The following MEI1 variants were observed in gnomAD, a reference collection of about 807,000 sequenced individuals.
MEI1 encodes meiotic double-stranded break formation protein 1.
A neutral mutation model predicts 146.2 loss-of-function variants in MEI1; 103 were observed. The observed-to-expected ratio is 0.70, with a 90% CI of 0.60 to 0.83. The LOEUF (loss-of-function observed/expected upper bound fraction) is 0.83, where lower values mean the gene tolerates loss of function less well. Among genes scored for constraint, MEI1 ranks in the 40% least tolerant of loss-of-function variants. The probability of loss-of-function intolerance (pLI) is 0.00; values close to 1 mark genes in which losing one functional copy is unlikely to be tolerated. For synonymous variants in MEI1, 652 were observed against 628.2 expected, an observed-to-expected ratio of 1.04 and a Z score of -0.57; for missense variants, 1,529 against 1,533.0, an observed-to-expected ratio of 1.00 and a Z score of 0.04.
At chr22:41,763,426 G>C (rs938228305) in intron 19 of MEI1, 105 bp downstream of exon 19, 86 of 1,316,954 alleles carry the variant, frequency 6.5e-5, no homozygotes, top group Admixed American at 2.0e-5. Context: ...GGGTGGTAGA[G>C]AGAGACAAAG....
At chr22:41,738,012 A>G (rs903078389) in intron 11 of MEI1, among the ~76,000 whole-genome samples, 2 of 152,190 alleles carry the variant, frequency 1.3e-5, no homozygotes, top group Non-Finnish European at 2.9e-5. Flanking sequence ...AATGTATTCA[A>G]ATAATACAAA....
At chr22:41,723,506 C>T (rs1025732835) in intron 6 of MEI1, among the ~76,000 whole-genome samples, 1 of 152,170 alleles carries the variant, frequency 6.6e-6, no homozygotes, top group Admixed American at 6.6e-5. Context: ...TGAGCCACCA[C>T]GCCTGGTCTT....
In MEI1 at chr22:41,711,173, C is replaced by G. The variant is rs142489715; in HGVS notation, c.350-2829C>G. On this transcript the variant is annotated intron_variant, in intron 3 of 30. Transcript: ENST00000401548. ...CCAGGCCTCATTGTCACCAGTATTT[C>G]TTTTTTTTTCTTTTTTTTTGAGACA... Among the ~76,000 whole-genome samples the G allele has an allele frequency of 4.4e-4, 67 of 151,406 alleles. No homozygotes were observed. The East Asian group carries it at 6.4e-3, about 14-fold the overall frequency.
intron 6 of MEI1, among the ~76,000 whole-genome samples, chr22:41,721,175 G>C (rs1397783598): frequency 6.8e-6 from 1 of 146,796 alleles, no homozygotes; most frequent in African/African-American, 2.5e-5. Context: ...GGCCTCCCCA[G>C]GATATGTCCG....
At chr22:41,766,213 G>C (rs917475850) in intron 19 of MEI1, among the ~76,000 whole-genome samples, 1 of 143,632 alleles carries the variant, frequency 7.0e-6, no homozygotes, top group Non-Finnish European at 1.5e-5. Context: ...TTGCTCTGTC[G>C]CCCAAGCTGG....
intron 17 of MEI1, among the ~76,000 whole-genome samples, chr22:41,757,368 T>C (rs2074165975): frequency 6.6e-6 from 1 of 151,830 alleles, no homozygotes; most frequent in African/African-American, 2.4e-5. Flanking sequence ...CTTGCTTTCT[T>C]TTTTCTGAGA....
chr22:41,728,143 C>A (rs1205254563), intron 7 of MEI1, among the ~76,000 whole-genome samples: 2 of 152,114 alleles, frequency 1.3e-5, no homozygotes, highest in Non-Finnish European at 2.9e-5. Context: ...TTTCCATCAG[C>A]GTTCAGTTGA....
intron 1 of MEI1, among the ~76,000 whole-genome samples, chr22:41,702,711 T>C (rs1175743468): frequency 6.6e-6 from 1 of 151,870 alleles, no homozygotes; most frequent in Non-Finnish European, 1.5e-5. Context: ...TCCCAAAATG[T>C]TGGGATTACA....
chr22:41,707,670 C>CATGAATGGGAAGACTTAT (rs1375407861), intron 3 of MEI1, among the ~76,000 whole-genome samples: 3 of 152,122 alleles, frequency 2.0e-5, no homozygotes, highest in African/African-American at 7.2e-5. Flanking sequence ...GGGATACTTA[C>CATGAATGGGAAGACTTAT]ATGAATGGGA....
In MEI1 at chr22:41,729,798, CCTT is replaced by C. The variant is rs758416363; in HGVS notation, c.979+22_979+24del. The C allele has an allele frequency of 4.1e-5, 62 of 1,509,744 alleles. No homozygotes were observed. The highest frequency in any genetic ancestry group is 5.5e-5 in the Non-Finnish European group (61 of 1,103,936). 93.5% of individuals were successfully genotyped at this position (1,509,744 alleles called of 1,614,324 possible). A position where few individuals can be genotyped will look rare whatever the true frequency, so the allele number is the denominator to read the frequency against. On this transcript the variant is annotated intron_variant, in intron 8 of 30. Transcript: ENST00000401548. Reference sequence around the variant, plus strand: ...ATCCCAGGTAGGGGAACACTTCTAACCTTCTCCTCCCTATACTAGAAGGATGGG... The same window carrying C: ...ATCCCAGGTAGGGGAACACTTCTAACCTCCTCCCTATACTAGAAGGATGGG...
rs2071955046 is a variant in MEI1 at position 41,732,507 on chromosome 22, T to C, written c.1235T>C (p.Met412Thr). The part of the protein sequence containing the change: ...EEIKLFTSSA[M>T]CRDAGRALQE... ...ATCAAGCTGTTCACAAGCTCAGCCA[T>C]GTGCAGAGATGCTGGCCGTGCCCTC... Residue 412 changes from methionine to threonine, a missense_variant, in exon 11 of 31, where the codon ATG becomes ACG. Physicochemically the swap from Met to Thr is moderately conservative, Grantham distance 81 (BLOSUM62 -1). Coordinates refer to ENST00000401548, the MANE Select transcript of MEI1 (RefSeq NM_152513.4). 6.8e-6 allele frequency: 11 copies of C among 1,613,786 alleles called. No homozygotes were observed. The highest frequency in any genetic ancestry group is 1.3e-5 in the African/African-American group (1 of 74,912).
intron 26 of MEI1, among the ~76,000 whole-genome samples, chr22:41,791,316 A>G (rs1413220339): frequency 1.3e-5 from 2 of 149,558 alleles, no homozygotes; most frequent in Non-Finnish European, 2.9e-5. Flanking sequence ...GCACAACCCT[A>G]TCTCTATAAA....
At chr22:41,713,536 GT>G (rs1212632340) in intron 3 of MEI1, among the ~76,000 whole-genome samples, 2 of 150,998 alleles carry the variant, frequency 1.3e-5, no homozygotes, top group African/African-American at 4.9e-5. Flanking sequence ...ACACATAGTT[GT>G]TTTTTTGTTT....
chr22:41,703,571 A>G, intron 2 of MEI1, 117 bp downstream of exon 2: 1 of 923,650 alleles, frequency 1.1e-6, no homozygotes, highest in Non-Finnish European at 1.5e-6. Context: ...GTAATACTTT[A>G]TCAGCAAATT....
chr22:41,795,870 TGAA>T lies in MEI1; in HGVS notation c.3779+25_3779+27del, dbSNP rs1381578284. On this transcript the variant is annotated intron_variant, in intron 30 of 30. Transcript: ENST00000401548. The surrounding 1 kb of genome is among the most constrained non-coding windows in gnomAD (Gnocchi z 4.2). The stretch of plus-strand genomic sequence containing the variant: ...GCTGTATCCTTTCTTGCATCTATGA[TGAA>T]GGAGATGCCAAATCACTGGGTGTTT... 2 of 1,613,032 alleles carry T rather than the reference TGAA, an allele frequency of 1.2e-6. No homozygotes were observed. Among genetic ancestry groups the T allele is most frequent in the East Asian group, 2.2e-5 (1 of 44,794 alleles).
chr22:41,703,951 A>C (rs1195299544), intron 2 of MEI1, among the ~76,000 whole-genome samples: 1 of 152,068 alleles, frequency 6.6e-6, no homozygotes, highest in South Asian at 2.1e-4. Context: ...GTGCCACCAC[A>C]CTCCAGCCTG....
At chr22:41,772,302 G>A in intron 20 of MEI1, among the ~76,000 whole-genome samples, 1 of 151,970 alleles carries the variant, frequency 6.6e-6, no homozygotes, top group Non-Finnish European at 1.5e-5. Context: ...GCTCACTGCA[G>A]CGTCAATCTT....
chr22:41,705,508 A>G lies in MEI1; in HGVS notation c.303A>G (p.Leu101=), dbSNP rs777693156. ...CTTACCTCCCTCTGCTCCAAGGACT[A>G]TTATGCAGCATGGAAGATGGGAGTG... ...CIHFISVLFG[L]LCSMEDGSVT... Residue 101 remains leucine, a synonymous_variant, in exon 3 of 31, where the codon CTA becomes CTG. Transcript: ENST00000401548. The G allele has an allele frequency of 9.9e-6, 16 of 1,612,772 alleles. No homozygotes were observed. The highest frequency in any genetic ancestry group is 4.5e-5 in the East Asian group (2 of 44,854).
chr22:41,793,871 G>GCCTTGCTTGACTACCTGGATGCCCGGAGC lies in MEI1; in HGVS notation c.3391_3419dup (p.Asp1141CysfsTer43). On this transcript the variant is annotated frameshift_variant, in exon 27 of 31. Coordinates refer to ENST00000401548, the MANE Select transcript of MEI1 (RefSeq NM_152513.4). LOFTEE classifies it high-confidence loss of function. ...CCAGGCCTGTGTTGGCTGCCTGGAG[G>GCCTTGCTTGACTACCTGGATGCCCGGAGC]CCTTGCTTGACTACCTGGATGCCCG... 6.2e-7 allele frequency: 1 copy of GCCTTGCTTGACTACCTGGATGCCCGGAGC among 1,612,818 alleles called. No homozygotes were observed. The highest frequency in any genetic ancestry group is 8.5e-7 in the Non-Finnish European group (1 of 1,179,636).
Sources: allele counts gnomAD v4.1 joint callset (sites outside exome capture counted in the v4.1 genomes callset), GRCh38; gene constraint gnomAD v4.1.1; non-coding constraint Gnocchi (gnomAD v3.1); transcripts MANE v1.5; gene names NCBI Gene and HGNC (gene_info 2026-07-23, HGNC 2026-07-21).